The following BZW2 variants were observed in gnomAD, a reference collection of about 807,000 sequenced individuals.
BZW2 encodes the protein eIF5-mimic protein 1.
A neutral mutation model predicts 53.2 loss-of-function variants in BZW2; 23 were observed. That is an observed-to-expected ratio of 0.43 (90% confidence interval 0.31 to 0.61). BZW2 has a LOEUF of 0.61. Ranked by LOEUF, BZW2 falls within the 20% of genes least tolerant of loss-of-function variation. The pLI is 0.09. For missense variants in BZW2, 409 were observed against 503.1 expected, an observed-to-expected ratio of 0.81 and a Z score of 1.79; for synonymous variants, 227 against 186.4, an observed-to-expected ratio of 1.22 and a Z score of -1.77.
chr7:16,698,218 G>A, intron 10 of BZW2, 32 bp downstream of exon 10: 3 of 1,613,198 alleles, frequency 1.9e-6, no homozygotes, highest in Non-Finnish European at 2.5e-6. Context: ...CTGTGCTTCT[G>A]TGTTTTGCTG....
At chr7:16,660,461 G>C (rs1024375310) in intron 1 of BZW2, among the ~76,000 whole-genome samples, 1 of 150,984 alleles carries the variant, frequency 6.6e-6, no homozygotes, top group Non-Finnish European at 1.5e-5. Context: ...ACTGCACACA[G>C]AGTGTTACTT....
intron 1 of BZW2, among the ~76,000 whole-genome samples, chr7:16,663,032 T>G (rs1782312907): frequency 6.6e-6 from 1 of 152,166 alleles, no homozygotes; most frequent in Non-Finnish European, 1.5e-5. Context: ...AACAATAAAG[T>G]ATTGGCTGAT....
intron 2 of BZW2, among the ~76,000 whole-genome samples, chr7:16,667,364 A>G (rs545543698): frequency 1.2e-3 from 176 of 152,322 alleles, no homozygotes; most frequent in Non-Finnish European, 2.1e-3. Flanking sequence ...GTGAGTGATT[A>G]AATTAAATAA....
At chr7:16,654,130 G>A (rs1271657385) in intron 1 of BZW2, among the ~76,000 whole-genome samples, 1 of 150,082 alleles carries the variant, frequency 6.7e-6, no homozygotes, top group East Asian at 1.9e-4. Flanking sequence ...TTAATTACTT[G>A]GGAGACTGAG....
chr7:16,657,053 G>T (rs771072408), intron 1 of BZW2, among the ~76,000 whole-genome samples: 1 of 152,162 alleles, frequency 6.6e-6, no homozygotes, highest in East Asian at 1.9e-4. Flanking sequence ...TCTCAGTAGG[G>T]AATGATAGTT....
Position 16,706,235 on chromosome 7 carries a change from T to C in BZW2, c.*147T>C. On this transcript the variant is annotated 3_prime_UTR_variant, in exon 12 of 12. Coordinates refer to ENST00000258761, the MANE Select transcript of BZW2 (RefSeq NM_014038.3). ...TTCCCTTGTGCAGAGGGAGAAATGGTTTTGTTTTTGTTTTGTTTTTAAATG... is the reference window on the plus strand; with the variant it reads ...TTCCCTTGTGCAGAGGGAGAAATGGCTTTGTTTTTGTTTTGTTTTTAAATG... 1 of 835,648 alleles carries C rather than the reference T, an allele frequency of 1.2e-6. No individual in the cohort carries two copies. The allele number at this position is 835,648 out of a possible 1,614,324, so 51.8% of individuals were successfully genotyped here. A position where few individuals can be genotyped will look rare whatever the true frequency, so the allele number is the denominator to read the frequency against.
Position 16,686,167 on chromosome 7 carries a change from T to A in BZW2, c.541+127T>A, listed in dbSNP as rs1783119765. ...CTCATTCTTCATTTAAGAGAATATCTTTGTATGGGTGTATATTGCCTTTCA... is the reference window on the plus strand; with the variant it reads ...CTCATTCTTCATTTAAGAGAATATCATTGTATGGGTGTATATTGCCTTTCA... On this transcript the variant is annotated intron_variant, in intron 6 of 11. Coordinates refer to ENST00000258761, the MANE Select transcript of BZW2 (RefSeq NM_014038.3). The A allele has an allele frequency of 1.1e-5, 15 of 1,384,852 alleles. No individual in the cohort carries two copies. The South Asian group carries it at 1.9e-4, about 17-fold the overall frequency. The allele number at this position is 1,384,852 out of a possible 1,614,324, so 85.8% of individuals were successfully genotyped here.
At chr7:16,675,819 C>G (rs1782746614) in intron 3 of BZW2, among the ~76,000 whole-genome samples, 1 of 152,256 alleles carries the variant, frequency 6.6e-6, no homozygotes, top group African/African-American at 2.4e-5. Context: ...GTGGCTCACG[C>G]CTGTAATCCC....
intron 6 of BZW2, chr7:16,686,358 T>C (rs1216214369): frequency 3.9e-6 from 1 of 255,992 alleles, no homozygotes; most frequent in Non-Finnish European, 7.7e-6. Flanking sequence ...TTTTTGCCCT[T>C]CGACACAAAA....
Position 16,674,308 on chromosome 7 carries a change from AT to A in BZW2, c.59-95del. The A allele has an allele frequency of 6.1e-5, 50 of 820,420 alleles. 1 individual carries two copies. The highest frequency in any genetic ancestry group is 3.9e-4 in the Middle Eastern group (1 of 2,586). The allele number at this position is 820,420 out of a possible 1,614,324, so 50.8% of individuals were successfully genotyped here. On this transcript the variant is annotated intron_variant, in intron 2 of 11. Coordinates refer to ENST00000258761, the MANE Select transcript of BZW2 (RefSeq NM_014038.3). ...TACATTCTTTGGCGATGCTCTGTGG[AT>A]TTTTTTTTCCTATCTTAGATAAAAT...
intron 1 of BZW2, among the ~76,000 whole-genome samples, chr7:16,659,037 G>A (rs1211771132): frequency 6.6e-6 from 1 of 150,554 alleles, no homozygotes; most frequent in Non-Finnish European, 1.5e-5. Flanking sequence ...TGAGGCAGGA[G>A]GACTGCTTGA....
intron 1 of BZW2, among the ~76,000 whole-genome samples, chr7:16,657,813 C>A (rs11972166): frequency 0.064 from 9,694 of 152,112 alleles, 702 homozygotes; most frequent in East Asian, 0.23. Context: ...GCAGGGACCA[C>A]CTCTGGCTTT....
intron 2 of BZW2, 58 bp downstream of exon 2, chr7:16,665,559 G>T (rs1303823624): frequency 1.9e-6 from 3 of 1,589,280 alleles, no homozygotes; most frequent in East Asian, 4.6e-5. Flanking sequence ...TATAAGATTG[G>T]AGAAGAATCT....
At chr7:16,681,455 C>G (rs375738109) in intron 4 of BZW2, 51 bp downstream of exon 4, 1,980 of 1,451,290 alleles carry the variant, frequency 1.4e-3, no homozygotes, top group Non-Finnish European at 1.7e-3. Flanking sequence ...GAGGAAAACT[C>G]TATAGAAGCT....
At chr7:16,668,242 G>A (rs1782489278) in intron 2 of BZW2, among the ~76,000 whole-genome samples, 1 of 152,152 alleles carries the variant, frequency 6.6e-6, no homozygotes, top group Admixed American at 6.5e-5. Flanking sequence ...TTGCACAACA[G>A]CAGACGTGAG....
Position 16,696,861 on chromosome 7 carries a change from A to T in BZW2, c.823-54A>T, listed in dbSNP as rs1783509466. 1.9e-6 allele frequency: 3 copies of T among 1,593,438 alleles called. No homozygotes were observed. In the Admixed American group the frequency reaches 5.0e-5, roughly 27 times the overall value. ...GATTGACTGGGCAGCTAGCGGGGAG[A>T]TGGGAGCCCTCCATCTGCCTGTTAC... On this transcript the variant is annotated intron_variant, in intron 8 of 11. Coordinates refer to ENST00000258761, the MANE Select transcript of BZW2 (RefSeq NM_014038.3).
chr7:16,665,538 T>C (rs2128354475), intron 2 of BZW2, 37 bp downstream of exon 2: 1 of 1,605,214 alleles, frequency 6.2e-7, no homozygotes, highest in Non-Finnish European at 8.5e-7. Context: ...TGTTTAAAGT[T>C]GTAACCAAAA....
chr7:16,658,790 A>C (rs917969043), intron 1 of BZW2, among the ~76,000 whole-genome samples: 5 of 151,422 alleles, frequency 3.3e-5, no homozygotes, highest in Non-Finnish European at 7.4e-5. Flanking sequence ...CAGGAGAATC[A>C]CTTGAACCCA....
chr7:16,696,216 C>T (rs910415732), intron 8 of BZW2: 1 of 152,110 alleles, frequency 6.6e-6, no homozygotes, highest in Non-Finnish European at 1.5e-5. Context: ...CTTCTGAGGC[C>T]CAAACCTCTA....
Sources: allele counts gnomAD v4.1 joint callset (sites outside exome capture counted in the v4.1 genomes callset), GRCh38; gene constraint gnomAD v4.1.1; transcripts MANE v1.5; gene names NCBI Gene and HGNC (gene_info 2026-07-23, HGNC 2026-07-21).